Variants in PMFBP1 observed in about 807,000 individuals in gnomAD.
The protein encoded by PMFBP1 is polyamine-modulated factor 1-binding protein 1.
PMFBP1 carries 131 observed loss-of-function variants against 137.8 expected under a neutral mutation model. The observed-to-expected ratio is 0.95, with a 90% CI of 0.82 to 1.10. PMFBP1 has a LOEUF of 1.10. PMFBP1 is among the 50% of genes least tolerant of loss of function. The probability of loss-of-function intolerance (pLI) is 0.00; values close to 1 mark genes in which losing one functional copy is unlikely to be tolerated. For missense variants in PMFBP1, 1,199 were observed against 1,175.4 expected (o/e 1.02, Z -0.29); for synonymous variants, 490 against 450.4 (o/e 1.09, Z -1.11).
In PMFBP1 at chr16:72,129,215, T is replaced by C. The variant is rs1400167295; in HGVS notation, c.1801A>G (p.Ile601Val). The C allele has an allele frequency of 1.2e-6, 2 of 1,613,016 alleles. No individual in the cohort carries two copies. Among genetic ancestry groups the C allele is most frequent in the South Asian group, 2.2e-5 (2 of 91,082 alleles). Residue 601 changes from isoleucine (I) to valine (V), a missense_variant, in exon 13 of 21, where the codon ATC (isoleucine) becomes GTC (valine). Physicochemically the swap from Ile to Val is conservative, Grantham distance 29. Coordinates refer to ENST00000237353, the MANE Select transcript of PMFBP1 (RefSeq NM_031293.3). Reference protein sequence around the residue: ...IKHQHREQGSIKCKLEEDLQE... With the variant: ...IKHQHREQGSVKCKLEEDLQE... ...AGATCTTCTTCTAACTTGCATTTGA[T>C]GGAGCCTTGCTCCCTGTGCTGAAAA...
the PMFBP1 span, among the ~76,000 whole-genome samples, chr16:72,236,101 C>G: frequency 6.6e-6 from 1 of 152,094 alleles, no homozygotes; most frequent in African/African-American, 2.4e-5. Context: ...TCTTTCACCA[C>G]TAAATACGAT....
chr16:72,245,530 C>A, the PMFBP1 span, among the ~76,000 whole-genome samples: 1 of 152,204 alleles, frequency 6.6e-6, no homozygotes, highest in African/African-American at 2.4e-5. Flanking sequence ...AAAGGGTGCA[C>A]TGCCTGAATT....
chr16:72,153,352 C>T (rs1487520245), intron 4 of PMFBP1, among the ~76,000 whole-genome samples: 1 of 152,156 alleles, frequency 6.6e-6, no homozygotes, highest in East Asian at 1.9e-4. Flanking sequence ...TGAAGTTAGT[C>T]CTTAAGCAAC....
At chr16:72,180,115 T>A (rs2043271162), upstream of PMFBP1, among the ~76,000 whole-genome samples, 1 of 152,176 alleles carries the variant, frequency 6.6e-6, no homozygotes, top group South Asian at 2.1e-4. Context: ...GGGCTCAACA[T>A]CATGGTCTTC....
At chr16:72,137,903 G>C (rs2042657398) in intron 7 of PMFBP1, among the ~76,000 whole-genome samples, 1 of 152,140 alleles carries the variant, frequency 6.6e-6, no homozygotes, top group Non-Finnish European at 1.5e-5. Flanking sequence ...GCCACTGCAG[G>C]ACCCAGGAGT....
At chr16:72,120,364 C>T (rs543265225) in intron 19 of PMFBP1, among the ~76,000 whole-genome samples, 15 of 152,312 alleles carry the variant, frequency 9.8e-5, no homozygotes, top group African/African-American at 1.9e-4. Flanking sequence ...CGGGGACAGT[C>T]AGGCCTGGCC....
At chr16:72,117,889 T>C (rs2042324515), downstream of PMFBP1, among the ~76,000 whole-genome samples, 1 of 152,254 alleles carries the variant, frequency 6.6e-6, no homozygotes. Context: ...CCATCCCCTG[T>C]ACTCAGCCAG....
At chr16:72,160,343 C>T (rs1299019865) in intron 3 of PMFBP1, among the ~76,000 whole-genome samples, 2 of 152,140 alleles carry the variant, frequency 1.3e-5, no homozygotes, top group African/African-American at 4.8e-5. Context: ...ATGAGCACTT[C>T]ATTTACCCTT....
chr16:72,217,269 C>T, the PMFBP1 span, among the ~76,000 whole-genome samples: 1 of 152,138 alleles, frequency 6.6e-6, no homozygotes, highest in Non-Finnish European at 1.5e-5. Context: ...ATAAGGGTTG[C>T]ACAGCAAGTT....
chr16:72,219,442 A>G, the PMFBP1 span, among the ~76,000 whole-genome samples: 1 of 152,148 alleles, frequency 6.6e-6, no homozygotes, highest in Non-Finnish European at 1.5e-5. Context: ...GTGGACAGGT[A>G]TATCCACAGG....
At chr16:72,188,939 C>T in the PMFBP1 span, among the ~76,000 whole-genome samples, 1 of 152,174 alleles carries the variant, frequency 6.6e-6, no homozygotes, top group Non-Finnish European at 1.5e-5. Context: ...GACAGGGTCC[C>T]CGACCAAGGG....
At chr16:72,201,868 G>A in the PMFBP1 span, among the ~76,000 whole-genome samples, 2 of 152,072 alleles carry the variant, frequency 1.3e-5, no homozygotes, top group African/African-American at 4.8e-5. Context: ...AATTCCACGA[G>A]GCCTTCACCA....
At chr16:72,243,557 T>C in the PMFBP1 span, among the ~76,000 whole-genome samples, 3 of 152,358 alleles carry the variant, frequency 2.0e-5, no homozygotes, top group Admixed American at 1.3e-4. Flanking sequence ...TCCATGTTTA[T>C]TTCTACTGTC....
chr16:72,187,727 A>G, the PMFBP1 span, among the ~76,000 whole-genome samples: 1 of 152,286 alleles, frequency 6.6e-6, no homozygotes, highest in Non-Finnish European at 1.5e-5. Context: ...TAATGAGCAA[A>G]TTACCTTTTA....
At chr16:72,143,130 T>G (rs1432182144) in intron 5 of PMFBP1, among the ~76,000 whole-genome samples, 1 of 152,242 alleles carries the variant, frequency 6.6e-6, no homozygotes, top group Non-Finnish European at 1.5e-5. Context: ...CATTCATTCC[T>G]AATAACAATT....
chr16:72,124,744 C>T (rs770897684), intron 17 of PMFBP1, 23 bp downstream of exon 17: 14 of 1,606,804 alleles, frequency 8.7e-6, no homozygotes, highest in Middle Eastern at 1.7e-4. Flanking sequence ...AGAGGAGGCA[C>T]GCAGAAGCCA....
At chr16:72,139,229 C>T in intron 7 of PMFBP1, 60 bp downstream of exon 7, 1 of 1,202,554 alleles carries the variant, frequency 8.3e-7, no homozygotes, top group African/African-American at 1.5e-5. Context: ...GTAGGAAAGC[C>T]CAGAATCAAA....
the PMFBP1 span, among the ~76,000 whole-genome samples, chr16:72,201,264 T>G: frequency 6.6e-6 from 1 of 152,380 alleles, no homozygotes; most frequent in African/African-American, 2.4e-5. Flanking sequence ...GATGAGATAC[T>G]AATTTGAGTT....
intron 5 of PMFBP1, among the ~76,000 whole-genome samples, chr16:72,145,037 G>A (rs2042784244): frequency 6.6e-6 from 1 of 152,134 alleles, no homozygotes; most frequent in Non-Finnish European, 1.5e-5. Context: ...GGACCTAATA[G>A]ACATCTACAG....
Sources: gnomAD v4.1 joint callset for allele counts (sites outside exome capture counted in the v4.1 genomes callset) on GRCh38, gnomAD v4.1.1 for gene constraint, MANE v1.5 for transcripts, NCBI Gene and HGNC (gene_info 2026-07-23, HGNC 2026-07-21) for gene names.